Variants in ZDHHC11 observed in about 807,000 individuals in gnomAD.
ZDHHC11 encodes the protein palmitoyltransferase ZDHHC11.
ZDHHC11 carries 44 observed loss-of-function variants against 51.3 expected under a neutral mutation model. That is an observed-to-expected ratio of 0.86 (90% CI 0.67 to 1.10). The LOEUF (loss-of-function observed/expected upper bound fraction) is 1.10, where lower values mean the gene tolerates loss of function less well. ZDHHC11 is among the 50% of genes least tolerant of loss of function. The pLI is 0.00. For missense variants in ZDHHC11, 400 were observed against 537.7 expected (o/e 0.74, Z 2.53); for synonymous variants, 163 against 222.0 (o/e 0.73, Z 2.36).
chr5:843,128 G>A (rs1183977964), intron 4 of ZDHHC11, among the ~76,000 whole-genome samples: 1 of 152,292 alleles, frequency 6.6e-6, no homozygotes, highest in Non-Finnish European at 1.5e-5. Context: ...CGGTTCCCGA[G>A]GCCCAGGCTC....
chr5:833,795 C>T lies in ZDHHC11; in HGVS notation c.913G>A (p.Ala305Thr), dbSNP rs145711224. Residue 305 changes from alanine (A) to threonine (T), a missense_variant, in exon 7 of 13, where the codon GCC (alanine) becomes ACC (threonine). This residue lies in a region of ZDHHC11 where 231 missense variants were observed against 227.4 expected (regional missense o/e 1.02). Coordinates refer to ENST00000283441, the MANE Select transcript of ZDHHC11 (RefSeq NM_024786.3). ...TACCCCTGTGCAGATGAGCCCAGGGCGCCAGCTCCTTGCTGTGGGGCAAAA... is the reference window on the plus strand; with the variant it reads ...TACCCCTGTGCAGATGAGCCCAGGGTGCCAGCTCCTTGCTGTGGGGCAAAA... ...DKGVLQQGAG[A>T]LGSSAQGVKA... 3.1e-3 allele frequency: 4,825 copies of T among 1,561,926 alleles called. 15 individuals carry two copies. The African/African-American group carries it at 0.043, about 14-fold the overall frequency.
In ZDHHC11 at chr5:840,499, G is replaced by A. The variant is rs1204026844; in HGVS notation, c.780C>T (p.Tyr260=). ...GGCTTAGGGTGGGGGACATACTCAG[G>A]TAGATGTGGAAGATGAGCAGCTGGC... The part of the protein sequence containing the change: ...HLGQLLIFHI[Y]LKAKKMTTFE... Residue 260 remains tyrosine (Y), a synonymous_variant, in exon 5 of 13, where the codon TAC becomes TAT. Transcript: ENST00000283441. The A allele has an allele frequency of 1.2e-6, 2 of 1,613,650 alleles. No individual in the cohort carries two copies. Among genetic ancestry groups the A allele is most frequent in the Non-Finnish European group, 1.7e-6 (2 of 1,179,888 alleles).
intron 10 of ZDHHC11, among the ~76,000 whole-genome samples, chr5:818,564 T>A (rs1181786283): frequency 6.6e-6 from 1 of 151,642 alleles, no homozygotes; most frequent in East Asian, 1.9e-4. Flanking sequence ...CCTTCTCAGA[T>A]GGATTCCCCC....
chr5:829,662 C>A (rs561325525), intron 7 of ZDHHC11, among the ~76,000 whole-genome samples: 1 of 151,432 alleles, frequency 6.6e-6, no homozygotes, highest in Non-Finnish European at 1.5e-5. Context: ...ACCTTAATAC[C>A]CAAACCATGA....
chr5:849,989 A>G (rs1746902024), intron 1 of ZDHHC11, among the ~76,000 whole-genome samples: 1 of 152,226 alleles, frequency 6.6e-6, no homozygotes, highest in Admixed American at 6.5e-5. Context: ...ATGGAAACGC[A>G]GGCTGCCGAC....
rs372276616 is a variant in ZDHHC11 at position 850,699 on chromosome 5, G to A, written c.-97C>T. 37 of 1,432,816 alleles carry A rather than the reference G, an allele frequency of 2.6e-5. No individual in the cohort carries two copies. The East Asian group carries it at 4.6e-4, about 18-fold the overall frequency. The allele number at this position is 1,432,816 out of a possible 1,614,324, so 88.8% of individuals were successfully genotyped here. A position where few individuals can be genotyped will look rare whatever the true frequency, so the allele number is the denominator to read the frequency against. On this transcript the variant is annotated 5_prime_UTR_variant, in exon 1 of 13. Transcript: ENST00000283441. Reference sequence around the variant, plus strand: ...GACCAAGGGGACTGGGAATGCAGCCGCCAGGACCAGCACTGACAGCCAATG... The same window carrying A: ...GACCAAGGGGACTGGGAATGCAGCCACCAGGACCAGCACTGACAGCCAATG...
At chr5:846,782 G>GT (rs1746267680) in intron 3 of ZDHHC11, among the ~76,000 whole-genome samples, 36 of 94,752 alleles carry the variant, frequency 3.8e-4, no homozygotes, top group African/African-American at 2.1e-3. Context: ...AACACCTCTC[G>GT]TCTATGAGCC....
Position 850,886 on chromosome 5 carries a change from C to CTGGGCAGAGG in ZDHHC11, c.-285_-284insCCTCTGCCCA. 2 of 550,802 alleles carry CTGGGCAGAGG rather than the reference C, an allele frequency of 3.6e-6. No homozygotes were observed. The highest frequency in any genetic ancestry group is 3.2e-6 in the Non-Finnish European group (1 of 309,750). The allele number at this position is 550,802 out of a possible 1,614,324, so 34.1% of individuals were successfully genotyped here. ...ACGGCTCTCCAGGGTGTGGAGGACC[C>CTGGGCAGAGG]AGTGCCCGCGCGACCGCCCATCAGT... On this transcript the variant is annotated 5_prime_UTR_variant, in exon 1 of 13. The change abolishes the stop of an existing upstream ORF in the 5' untranslated region. Transcript: ENST00000283441.
chr5:822,254 T>C (rs1438330352), intron 8 of ZDHHC11, among the ~76,000 whole-genome samples: 2 of 151,076 alleles, frequency 1.3e-5, no homozygotes, highest in African/African-American at 4.9e-5. Context: ...GGGGAGATTA[T>C]AACAAAGACA....
chr5:808,557 A>G (rs1739615297), intron 11 of ZDHHC11, among the ~76,000 whole-genome samples: 1 of 149,570 alleles, frequency 6.7e-6, no homozygotes, highest in African/African-American at 2.4e-5. Flanking sequence ...TTATTTTGAG[A>G]CGTAGTCTCA....
At chr5:837,177 G>A (rs1473753386) in intron 6 of ZDHHC11, among the ~76,000 whole-genome samples, 188 bp downstream of exon 6, 1 of 152,100 alleles carries the variant, frequency 6.6e-6, no homozygotes, top group Admixed American at 6.5e-5. Flanking sequence ...TGCATGACTG[G>A]TGTTTATGTT....
chr5:841,696 T>C (rs780788439), intron 4 of ZDHHC11: 2 of 991,260 alleles, frequency 2.0e-6, no homozygotes, highest in Non-Finnish European at 2.4e-6. Context: ...GGGTCATTTC[T>C]AAGATATGGT....
chr5:821,957 A>G, intron 8 of ZDHHC11, 62 bp from the exon 9 acceptor site: 1 of 1,451,148 alleles, frequency 6.9e-7, no homozygotes, highest in Non-Finnish European at 9.5e-7. Context: ...CTTAAAAAAA[A>G]TTCAAGTCCA....
upstream of ZDHHC11, among the ~76,000 whole-genome samples, chr5:852,577 G>A (rs937610516): frequency 3.4e-5 from 5 of 148,814 alleles, no homozygotes; most frequent in Non-Finnish European, 6.0e-5. Context: ...GGAGGACAAT[G>A]AGCAGCGGGG....
intron 11 of ZDHHC11, among the ~76,000 whole-genome samples, chr5:802,817 CAAAAATACAAAAAAAAAAAAAAAAAAA>C: frequency 4.3e-5 from 1 of 23,516 alleles, no homozygotes. Flanking sequence ...ACTAAAAATA[CAAAAATACAAAAAAAAAAAAAAAAAAA>C]AAAAAAAAAA....
At chr5:859,854 G>C (rs374148819), upstream of ZDHHC11, among the ~76,000 whole-genome samples, 21 of 152,296 alleles carry the variant, frequency 1.4e-4, no homozygotes, top group Middle Eastern at 3.4e-3. Context: ...CGGTTGGGGG[G>C]GGTCCCCAAG....
intron 7 of ZDHHC11, among the ~76,000 whole-genome samples, 184 bp from the exon 8 acceptor site, chr5:825,435 C>T (rs1421747965): frequency 1.8e-4 from 27 of 152,054 alleles, no homozygotes; most frequent in African/African-American, 5.6e-4. Context: ...CAGTGGCACA[C>T]GTAAGAAGCT....
intron 6 of ZDHHC11, among the ~76,000 whole-genome samples, chr5:836,873 G>T (rs367915548): frequency 3.3e-5 from 5 of 149,672 alleles, no homozygotes; most frequent in African/African-American, 9.9e-5. Flanking sequence ...CCAGCCTGGC[G>T]TGTTAAAACC....
chr5:814,343 G>A (rs1740479443), intron 11 of ZDHHC11, among the ~76,000 whole-genome samples: 1 of 151,246 alleles, frequency 6.6e-6, no homozygotes, highest in Non-Finnish European at 1.5e-5. Flanking sequence ...TTTGGAGGGT[G>A]AAAAAGTGGT....
Sources: gnomAD v4.1 joint callset for allele counts (sites outside exome capture counted in the v4.1 genomes callset) on GRCh38, gnomAD v4.1.1 for gene constraint, gnomAD v4.1.1 regional missense constraint, MANE v1.5 for transcripts, NCBI Gene and HGNC (gene_info 2026-07-23, HGNC 2026-07-21) for gene names.